The following BLTP3B variants were observed in gnomAD, a reference collection of about 807,000 sequenced individuals.
BLTP3B encodes the protein UHRF1 (ICBP90) binding protein 1-like.
At chr12:100,096,660 A>T in the BLTP3B span, among the ~76,000 whole-genome samples, 41 of 152,104 alleles carry the variant, frequency 2.7e-4, no homozygotes, top group South Asian at 2.1e-3. Flanking sequence ...CTCTACAAAA[A>T]AAAAATAAAA....
the BLTP3B span, among the ~76,000 whole-genome samples, chr12:100,096,441 A>T: frequency 2.0e-5 from 3 of 152,134 alleles, no homozygotes; most frequent in Admixed American, 1.3e-4. Context: ...TAATTCAAAG[A>T]TTCAATAGAA....
the BLTP3B span, among the ~76,000 whole-genome samples, chr12:100,121,336 G>A: frequency 7.3e-6 from 1 of 137,126 alleles, no homozygotes; most frequent in African/African-American, 2.7e-5. Context: ...GGCAACAAGA[G>A]TGAAACTCCA....
At chr12:100,070,536 C>T in the BLTP3B span, among the ~76,000 whole-genome samples, 1 of 152,202 alleles carries the variant, frequency 6.6e-6, no homozygotes, top group East Asian at 1.9e-4. Flanking sequence ...GGATTACAGG[C>T]ATGAGCCACT....
chr12:100,039,488 G>C, the BLTP3B span: 139 of 1,169,946 alleles, frequency 1.2e-4, no homozygotes, highest in Non-Finnish European at 1.5e-4. Context: ...ACAATAACAA[G>C]CACTCGGTAC....
At chr12:100,098,405 A>C in the BLTP3B span, 2 of 1,613,680 alleles carry the variant, frequency 1.2e-6, no homozygotes, top group Middle Eastern at 1.6e-4. Flanking sequence ...CCATGTTCCC[A>C]GTGTGCATTT....
chr12:100,057,567 T>TCA, the BLTP3B span: 1 of 1,602,886 alleles, frequency 6.2e-7, no homozygotes. Context: ...TATCATAACT[T>TCA]TACCTTTTTC....
At chr12:100,123,680 A>C in the BLTP3B span, among the ~76,000 whole-genome samples, 2 of 152,088 alleles carry the variant, frequency 1.3e-5, no homozygotes, top group Non-Finnish European at 1.5e-5. Flanking sequence ...TCAAGGCATA[A>C]ATTTTTTAAA....
At chr12:100,045,697 G>C in the BLTP3B span, among the ~76,000 whole-genome samples, 1 of 152,108 alleles carries the variant, frequency 6.6e-6, no homozygotes, top group Non-Finnish European at 1.5e-5. Context: ...AACACCAAAA[G>C]CAATAGCAAC....
chr12:100,082,612 C>T, the BLTP3B span, among the ~76,000 whole-genome samples: 1 of 152,218 alleles, frequency 6.6e-6, no homozygotes, highest in Non-Finnish European at 1.5e-5. Flanking sequence ...CTGCATATGA[C>T]CAACCAGTTA....
chr12:100,114,225 C>A, the BLTP3B span, among the ~76,000 whole-genome samples: 1 of 152,118 alleles, frequency 6.6e-6, no homozygotes. Context: ...ATTTTTTTAA[C>A]ATACTTCCTT....
the BLTP3B span, among the ~76,000 whole-genome samples, chr12:100,104,297 T>C: frequency 6.7e-6 from 1 of 149,030 alleles, no homozygotes; most frequent in African/African-American, 2.5e-5. Flanking sequence ...CTCCACCTCC[T>C]GGGTTCAAGC....
chr12:100,100,729 T>TTC, the BLTP3B span, among the ~76,000 whole-genome samples: 1 of 66,112 alleles, frequency 1.5e-5, no homozygotes, highest in East Asian at 2.0e-4. Flanking sequence ...CACATTCTAT[T>TTC]TTTTTTTTTT....
chr12:100,142,646 C>T, the BLTP3B span: 8 of 1,607,290 alleles, frequency 5.0e-6, no homozygotes, highest in Non-Finnish European at 6.8e-6. Context: ...GGTACCGAGG[C>T]TGGAGACGCC....
At chr12:100,041,868 G>GA in the BLTP3B span, among the ~76,000 whole-genome samples, 1 of 151,994 alleles carries the variant, frequency 6.6e-6, no homozygotes, top group African/African-American at 2.4e-5. Context: ...CTTGCGTATA[G>GA]AAAAAAACTA....
At chr12:100,073,519 A>G in the BLTP3B span, among the ~76,000 whole-genome samples, 1 of 151,990 alleles carries the variant, frequency 6.6e-6, no homozygotes, top group African/African-American at 2.4e-5. Context: ...AGGTTGGTGC[A>G]AAAGTAATTG....
At chr12:100,109,180 C>G in the BLTP3B span, among the ~76,000 whole-genome samples, 1 of 146,046 alleles carries the variant, frequency 6.8e-6, no homozygotes, top group Admixed American at 6.8e-5. Context: ...CTCTCTCTCT[C>G]TCTCTCTCTC....
the BLTP3B span, among the ~76,000 whole-genome samples, chr12:100,099,850 G>A: frequency 1.3e-5 from 2 of 150,602 alleles, no homozygotes; most frequent in African/African-American, 4.9e-5. Flanking sequence ...ATCACTTGAG[G>A]CCAGGAGGTT....
chr12:100,098,284 T>C, the BLTP3B span: 1 of 1,477,914 alleles, frequency 6.8e-7, no homozygotes, highest in Non-Finnish European at 9.0e-7. Context: ...TGAGATGTGA[T>C]TTTTTTAATC....
chr12:100,052,042 T>TA, the BLTP3B span, among the ~76,000 whole-genome samples: 2,977 of 137,924 alleles, frequency 0.022, 109 homozygotes, highest in African/African-American at 0.072. Flanking sequence ...AGACCCCATC[T>TA]AAAAAAAAAA....
Sources: gnomAD v4.1 joint callset for allele counts (sites outside exome capture counted in the v4.1 genomes callset) on GRCh38, gnomAD v4.1.1 for gene constraint, MANE v1.5 for transcripts, NCBI Gene and HGNC (gene_info 2026-07-23, HGNC 2026-07-21) for gene names.